The following LDLRAP1 variants were observed in gnomAD, a reference collection of about 807,000 sequenced individuals.
LDLRAP1 encodes the protein low density lipoprotein receptor adaptor protein 1.
Under a neutral mutation model 37.8 loss-of-function variants are expected in LDLRAP1, and 30 were observed. The ratio of observed to expected loss-of-function variants is 0.79; its 90% CI spans 0.59 to 1.08. LDLRAP1 has a LOEUF of 1.08. LDLRAP1 is among the 50% of genes least tolerant of loss of function. LDLRAP1 has a pLI of 0.00. For missense variants in LDLRAP1, 375 were observed against 401.6 expected (o/e 0.93, Z 0.57); for synonymous variants, 156 against 169.8 (o/e 0.92, Z 0.63).
chr1:25,566,748 C>CTA, intron 8 of LDLRAP1, 100 bp from the exon 9 acceptor site: 2 of 1,441,054 alleles, frequency 1.4e-6, no homozygotes, highest in Non-Finnish European at 1.9e-6. Context: ...CCTTCTTGGG[C>CTA]CATGTGCCCT....
chr1:25,557,111 C>T (rs746651278), intron 3 of LDLRAP1, 42 bp from the exon 4 acceptor site: 1 of 1,472,410 alleles, frequency 6.8e-7, no homozygotes, highest in East Asian at 2.3e-5. Flanking sequence ...TGTGCTCAGG[C>T]CCCTGTGCCA....
the LDLRAP1 span, among the ~76,000 whole-genome samples, chr1:25,576,857 C>T: frequency 6.6e-6 from 1 of 152,260 alleles, no homozygotes; most frequent in African/African-American, 2.4e-5. Context: ...GGCTGCCCCT[C>T]CTGATGTGGA....
the LDLRAP1 span, among the ~76,000 whole-genome samples, chr1:25,574,257 T>C: frequency 6.6e-6 from 1 of 152,146 alleles, no homozygotes; most frequent in African/African-American, 2.4e-5. Flanking sequence ...GGTGCAGGCC[T>C]GGACCACAGG....
At chr1:25,573,673 C>T (rs892429661), downstream of LDLRAP1, among the ~76,000 whole-genome samples, 6 of 152,292 alleles carry the variant, frequency 3.9e-5, no homozygotes, top group African/African-American at 9.6e-5. Flanking sequence ...ACACCTATGT[C>T]GGGAGCTATG....
At chr1:25,562,825 G>T in intron 5 of LDLRAP1, 109 bp downstream of exon 5, 1 of 1,024,128 alleles carries the variant, frequency 9.8e-7, no homozygotes, top group South Asian at 1.3e-5. Context: ...CCTGGCTTGT[G>T]ACTGTGAGCA....
the LDLRAP1 span, among the ~76,000 whole-genome samples, chr1:25,578,296 C>T: frequency 3.3e-5 from 5 of 152,146 alleles, no homozygotes; most frequent in Admixed American, 2.6e-4. Flanking sequence ...GCCTACGGCC[C>T]TCAAGCAGCC....
At chr1:25,579,781 T>C in the LDLRAP1 span, among the ~76,000 whole-genome samples, 1 of 144,098 alleles carries the variant, frequency 6.9e-6, no homozygotes, top group African/African-American at 2.5e-5. Flanking sequence ...ATTTAATTAA[T>C]TAATATAACT....
chr1:25,582,601 T>C, the LDLRAP1 span, among the ~76,000 whole-genome samples: 3 of 149,052 alleles, frequency 2.0e-5, no homozygotes, highest in Admixed American at 2.0e-4. Flanking sequence ...AAAAAAAAAT[T>C]ACCATTTTGA....
intron 8 of LDLRAP1, among the ~76,000 whole-genome samples, chr1:25,566,217 A>G (rs1255042617): frequency 6.6e-6 from 1 of 152,154 alleles, no homozygotes; most frequent in Non-Finnish European, 1.5e-5. Context: ...GGCTTAATTC[A>G]TGCTAATCCT....
rs189214770 is a variant in LDLRAP1 at position 25,547,440 on chromosome 1, G to A, written c.88+3654G>A. Among the ~76,000 whole-genome samples the A allele has an allele frequency of 4.3e-3, 655 of 151,860 alleles. 6 individuals are homozygous for A. Among genetic ancestry groups the A allele is most frequent in the African/African-American group, 0.015 (618 of 41,348 alleles). On this transcript the variant is annotated intron_variant, in intron 1 of 8. Transcript: ENST00000374338. ...AGAGGTTGCAGTGAGCCGGGATCAC[G>A]CCACTGCACTCCAGCCTGGGGGACA...
the LDLRAP1 span, among the ~76,000 whole-genome samples, chr1:25,575,126 G>T: frequency 6.6e-6 from 1 of 152,174 alleles, no homozygotes; most frequent in African/African-American, 2.4e-5. Context: ...GGGCCGCAAG[G>T]CTGGACCAGG....
chr1:25,560,592 C>T (rs2044320188), intron 4 of LDLRAP1, among the ~76,000 whole-genome samples: 1 of 152,232 alleles, frequency 6.6e-6, no homozygotes, highest in African/African-American at 2.4e-5. Context: ...CGGGGCCAGG[C>T]TGCTCCCTCC....
intron 7 of LDLRAP1, chr1:25,564,538 TGTC>T (rs2044427911): frequency 6.4e-6 from 1 of 155,268 alleles, no homozygotes. Flanking sequence ...CATGTTAACT[TGTC>T]GTCTCTTTAA....
intron 3 of LDLRAP1, among the ~76,000 whole-genome samples, chr1:25,556,324 A>G (rs998415985): frequency 1.3e-5 from 2 of 152,010 alleles, no homozygotes; most frequent in South Asian, 2.1e-4. Context: ...TGGGAGGCCG[A>G]GGGCTCGGGT....
At chr1:25,565,708 C>G (rs551339568) in intron 8 of LDLRAP1, among the ~76,000 whole-genome samples, 3 of 152,294 alleles carry the variant, frequency 2.0e-5, no homozygotes, top group African/African-American at 7.2e-5. Context: ...TCCCCGTTTT[C>G]CCAGGGGCCA....
Position 25,554,755 on chromosome 1 carries a change from T to G in LDLRAP1, c.232-105T>G. The stretch of plus-strand genomic sequence containing the variant: ...CCACACTGCTGCCAGTCACCTGAGC[T>G]GAGATGGGCCCCGTGCCTGGGGCTT... On this transcript the variant is annotated intron_variant, in intron 2 of 8. Transcript: ENST00000374338. This position sits in a 1 kb window ranked among gnomAD's most constrained non-coding sequence, Gnocchi z 5.4. 4.8e-5 allele frequency: 41 copies of G among 850,940 alleles called. No homozygotes were observed. Among genetic ancestry groups the G allele is most frequent in the Non-Finnish European group, 6.6e-5 (34 of 515,078 alleles). 52.7% of individuals were successfully genotyped at this position (850,940 alleles called of 1,614,324 possible).
intron 1 of LDLRAP1, among the ~76,000 whole-genome samples, chr1:25,547,486 TAATA>T (rs71014373): frequency 0.042 from 6,133 of 145,760 alleles, 143 homozygotes; most frequent in African/African-American, 0.063. Flanking sequence ...TTGTCTCAAA[TAATA>T]AATAAATAAA....
chr1:25,557,337 G>C, intron 4 of LDLRAP1, 70 bp downstream of exon 4: 1 of 1,229,790 alleles, frequency 8.1e-7, no homozygotes, highest in Non-Finnish European at 1.2e-6. Context: ...GTGGGGGGCT[G>C]TCTGGTGTGG....
intron 1 of LDLRAP1, among the ~76,000 whole-genome samples, chr1:25,545,526 C>T (rs759210038): frequency 2.0e-5 from 3 of 152,154 alleles, no homozygotes; most frequent in African/African-American, 4.8e-5. Context: ...TGCTCCTCTT[C>T]CCCCTGCCTA....
Sources: allele counts gnomAD v4.1 joint callset (sites outside exome capture counted in the v4.1 genomes callset), GRCh38; gene constraint gnomAD v4.1.1; non-coding constraint Gnocchi (gnomAD v3.1); transcripts MANE v1.5; gene names NCBI Gene and HGNC (gene_info 2026-07-23, HGNC 2026-07-21).